ZNF169: variants seen among roughly 807,000 people sequenced by gnomAD.
The protein encoded by ZNF169 is zinc finger protein 169.
ZNF169 carries 11 observed loss-of-function variants against 12.0 expected under a neutral mutation model. The observed-to-expected ratio is 0.92, with a 90% CI of 0.58 to 1.52. The LOEUF (loss-of-function observed/expected upper bound fraction) is 1.52. Among genes scored for constraint, ZNF169 ranks in the 40% most tolerant of loss-of-function variants. The pLI is 0.00. For synonymous variants in ZNF169, 302 were observed against 286.5 expected, an observed-to-expected ratio of 1.05 and a Z score of -0.55; for missense variants, 722 against 744.0, an observed-to-expected ratio of 0.97 and a Z score of 0.34.
At position 94,296,150 on chromosome 9, in the gene ZNF169, C is replaced by G. The variant is rs539124100; in HGVS notation, c.256+3081C>G. Among the ~76,000 whole-genome samples the G allele has an allele frequency of 2.4e-3, 366 of 152,290 alleles. 7 individuals carry two copies. Among genetic ancestry groups the G allele is most frequent in the South Asian group, 0.011 (51 of 4,826 alleles). On this transcript the variant is annotated intron_variant, in intron 4 of 4. Transcript: ENST00000395395. Reference sequence around the variant, plus strand: ...TGATGATGTTGAGTATCTTCATGTGCTTATTTGCTATCTTATATCTTCTTT... The same window carrying G: ...TGATGATGTTGAGTATCTTCATGTGGTTATTTGCTATCTTATATCTTCTTT...
chr9:94,298,343 G>C (rs1830990139), intron 4 of ZNF169, among the ~76,000 whole-genome samples: 1 of 152,134 alleles, frequency 6.6e-6, no homozygotes, highest in Non-Finnish European at 1.5e-5. Context: ...CAGAGATAAT[G>C]AAAGCAGACT....
chr9:94,265,185 G>A (rs963195158), intron 1 of ZNF169, among the ~76,000 whole-genome samples: 6 of 151,750 alleles, frequency 4.0e-5, no homozygotes, highest in Admixed American at 1.3e-4. Context: ...GCTATTTTTC[G>A]TGGCCCAATA....
rs943464181 is a variant in ZNF169 at position 94,265,029 on chromosome 9, T to TG, written c.-56+5684_-56+5685insG. On this transcript the variant is annotated intron_variant, in intron 1 of 4. Transcript: ENST00000395395. ...ATCTCTTTCTGTACCCTGTTTTTTT[T>TG]TTTTTTTTTTTTAATATCTCTTAGG... 1.3e-4 allele frequency among the ~76,000 whole-genome samples: 19 copies of TG among 148,402 alleles called. No individual in the cohort carries two copies. In the South Asian group the frequency reaches 3.0e-3, roughly 23 times the overall value.
At chr9:94,259,639 A>G (rs1367040810) in intron 1 of ZNF169, among the ~76,000 whole-genome samples, 1 of 152,080 alleles carries the variant, frequency 6.6e-6, no homozygotes, top group Non-Finnish European at 1.5e-5. Context: ...CCTGGGACCG[A>G]CTTCCCGAGC....
intron 1 of ZNF169, among the ~76,000 whole-genome samples, chr9:94,272,198 T>C (rs563730770): frequency 6.6e-6 from 1 of 152,262 alleles, no homozygotes; most frequent in East Asian, 1.9e-4. Flanking sequence ...AATTTGTCTT[T>C]TTAAATTTTA....
chr9:94,289,452 T>C (rs1050446048), intron 2 of ZNF169, among the ~76,000 whole-genome samples: 4 of 151,972 alleles, frequency 2.6e-5, no homozygotes, highest in African/African-American at 9.7e-5. Flanking sequence ...CAAATTATGA[T>C]AAGCTATATA....
At chr9:94,289,979 T>C (rs1456234320) in intron 2 of ZNF169, among the ~76,000 whole-genome samples, 1 of 152,228 alleles carries the variant, frequency 6.6e-6, no homozygotes, top group Non-Finnish European at 1.5e-5. Context: ...CATATTCTTT[T>C]CATGTGCCTT....
In ZNF169 at chr9:94,300,008, C is replaced by A; in HGVS notation, c.450C>A (p.Asp150Glu). 1.2e-6 allele frequency: 2 copies of A among 1,614,098 alleles called. No individual in the cohort carries two copies. Among genetic ancestry groups the A allele is most frequent in the Non-Finnish European group, 1.7e-6 (2 of 1,180,026 alleles). Residue 150 changes from aspartate to glutamate, a missense_variant, in exon 5 of 5, where the codon GAC becomes GAA. Asp to Glu is a conservative substitution (Grantham distance 45). Coordinates refer to ENST00000395395, the MANE Select transcript of ZNF169 (RefSeq NM_194320.4). ...KGESGETEGP[D>E]SSLRKRPSRI... ...AAAGTGGAGAGACAGAAGGCCCCGA[C>A]AGCTCATTAAGAAAGAGGCCAAGCA...
At chr9:94,277,823 T>A (rs1295965964) in intron 1 of ZNF169, among the ~76,000 whole-genome samples, 1 of 151,212 alleles carries the variant, frequency 6.6e-6, no homozygotes, top group Non-Finnish European at 1.5e-5. Flanking sequence ...TCCCAGCTAC[T>A]CGGGAGGCTG....
intron 1 of ZNF169, among the ~76,000 whole-genome samples, chr9:94,260,234 G>A (rs977388394): frequency 1.3e-5 from 2 of 152,272 alleles, no homozygotes; most frequent in East Asian, 3.9e-4. Flanking sequence ...TTGTGTTTTA[G>A]TAGAGACGGG....
rs1246677317 is a variant in ZNF169, at chr9:94,301,668, C to T, written c.*298C>T. On this transcript the variant is annotated 3_prime_UTR_variant, in exon 5 of 5. Transcript: ENST00000395395. Reference sequence around the variant, plus strand: ...TGCTTAAGCCTCTCTGTTTGGCTTGCGGATGGCTGCTTTCTGGCCACGTCC... The same window carrying T: ...TGCTTAAGCCTCTCTGTTTGGCTTGTGGATGGCTGCTTTCTGGCCACGTCC... Among the ~76,000 whole-genome samples, 2 of 152,268 alleles carry T rather than the reference C, an allele frequency of 1.3e-5. No individual in the cohort carries two copies. The highest frequency in any genetic ancestry group is 2.1e-4 in the South Asian group (1 of 4,830).
intron 1 of ZNF169, among the ~76,000 whole-genome samples, chr9:94,274,746 A>C (rs1261167936): frequency 6.6e-6 from 1 of 152,190 alleles, no homozygotes; most frequent in East Asian, 1.9e-4. Context: ...ATAATATTTC[A>C]GGGAGGCATG....
At chr9:94,281,237 T>C (rs1277183509) in intron 2 of ZNF169, among the ~76,000 whole-genome samples, 4 of 152,206 alleles carry the variant, frequency 2.6e-5, no homozygotes, top group Admixed American at 2.6e-4. Flanking sequence ...AAATTGTGTA[T>C]TTTATTACTT....
rs1178566043 is a variant in ZNF169 at position 94,270,797 on chromosome 9, A to AAT, written c.-55-7952_-55-7951dup. On this transcript the variant is annotated intron_variant, in intron 1 of 4. Coordinates refer to ENST00000395395, the MANE Select transcript of ZNF169 (RefSeq NM_194320.4). The stretch of plus-strand genomic sequence containing the variant: ...ATATATTATATAAATATATATAAAT[A>AAT]ATATATATATTATATTATATAAATA... Among the ~76,000 whole-genome samples the AAT allele has an allele frequency of 6.5e-4, 37 of 57,132 alleles. 2 individuals are homozygous for AAT. Among genetic ancestry groups the AAT allele is most frequent in the African/African-American group, 2.5e-3 (35 of 14,088 alleles). The allele number at this position is 57,132 out of a possible 152,430, so 37.5% of individuals were successfully genotyped here. A position where few individuals can be genotyped will look rare whatever the true frequency, so the allele number is the denominator to read the frequency against.
intron 1 of ZNF169, among the ~76,000 whole-genome samples, chr9:94,263,179 T>A (rs1830234968): frequency 1.3e-5 from 2 of 152,188 alleles, no homozygotes; most frequent in Non-Finnish European, 2.9e-5. Context: ...TGTGGCAAGG[T>A]GTTAATTCGA....
intron 1 of ZNF169, among the ~76,000 whole-genome samples, chr9:94,276,283 TGA>T (rs1830516948): frequency 6.6e-6 from 1 of 152,110 alleles, no homozygotes; most frequent in Non-Finnish European, 1.5e-5. Context: ...TTTTGTTCTT[TGA>T]GACAGAGTCT....
chr9:94,292,641 G>GTGTGTGTGTGCA, intron 3 of ZNF169, 174 bp downstream of exon 3: 1 of 721,226 alleles, frequency 1.4e-6, no homozygotes, highest in Non-Finnish European at 2.1e-6. Context: ...GTGTGTGTGT[G>GTGTGTGTGTGCA]CGCGTGCACA....
At chr9:94,292,240 C>T in intron 2 of ZNF169, 101 bp from the exon 3 acceptor site, 2 of 1,600,382 alleles carry the variant, frequency 1.2e-6, no homozygotes, top group Non-Finnish European at 1.7e-6. Context: ...CACTTGGGTG[C>T]TCTAGGACTG....
intron 1 of ZNF169, among the ~76,000 whole-genome samples, chr9:94,268,094 G>A (rs1047521011): frequency 1.3e-5 from 2 of 151,312 alleles, no homozygotes; most frequent in South Asian, 2.1e-4. Flanking sequence ...GGTCTTGAAC[G>A]CCCGACCTCA....
Sources: gnomAD v4.1 joint callset for allele counts (sites outside exome capture counted in the v4.1 genomes callset) on GRCh38, gnomAD v4.1.1 for gene constraint, MANE v1.5 for transcripts, NCBI Gene and HGNC (gene_info 2026-07-23, HGNC 2026-07-21) for gene names.